The following SOS1 variants were observed in gnomAD, a reference collection of about 807,000 sequenced individuals.
SOS1 encodes son of sevenless homolog 1.
SOS1 carries 25 observed loss-of-function variants against 157.6 expected under a neutral mutation model. That is an observed-to-expected ratio of 0.16 (90% CI 0.12 to 0.22). The LOEUF (loss-of-function observed/expected upper bound fraction) is 0.22, where lower values mean the gene tolerates loss of function less well. Among genes scored for constraint, SOS1 ranks in the 10% least tolerant of loss-of-function variants. The pLI, the probability that SOS1 is intolerant of heterozygous loss-of-function variation, is 1.00. For missense variants in SOS1, 1,237 were observed against 1,599.1 expected, an observed-to-expected ratio of 0.77 and a Z score of 3.86; for synonymous variants, 528 against 534.0, an observed-to-expected ratio of 0.99 and a Z score of 0.16.
At chr2:39,103,060 A>T (rs1673032232) in intron 1 of SOS1, among the ~76,000 whole-genome samples, 1 of 152,220 alleles carries the variant, frequency 6.6e-6, no homozygotes, top group Admixed American at 6.5e-5. Context: ...TTTAACATTG[A>T]AAAGAACAAT....
chr2:39,021,787 C>A (rs1669806170), intron 10 of SOS1, among the ~76,000 whole-genome samples: 1 of 151,520 alleles, frequency 6.6e-6, no homozygotes, highest in South Asian at 2.1e-4. Context: ...ATTTTGCAAT[C>A]ACAAATTTTG....
chr2:39,049,419 T>A (rs189986810), intron 6 of SOS1, among the ~76,000 whole-genome samples: 1 of 152,350 alleles, frequency 6.6e-6, no homozygotes, highest in African/African-American at 2.4e-5. Context: ...AGAAATCTGC[T>A]CATTTCCTTT....
intron 1 of SOS1, among the ~76,000 whole-genome samples, chr2:39,078,081 T>C (rs980961349): frequency 6.6e-6 from 1 of 152,036 alleles, no homozygotes; most frequent in Non-Finnish European, 1.5e-5. Context: ...TAAAAACAAA[T>C]CCTCAGTTTT....
chr2:39,086,565 A>G (rs139247837), intron 1 of SOS1, among the ~76,000 whole-genome samples: 124 of 152,360 alleles, frequency 8.1e-4, no homozygotes, highest in African/African-American at 2.9e-3. Context: ...TCCTATCAAA[A>G]TAAGAAGTGG....
At chr2:39,025,057 T>C (rs1669912352) in intron 8 of SOS1, among the ~76,000 whole-genome samples, 1 of 152,190 alleles carries the variant, frequency 6.6e-6, no homozygotes, top group South Asian at 2.1e-4. Flanking sequence ...TGAGTCACAA[T>C]AATTCACTCA....
chr2:39,061,025 CCT>C (rs1558494465), intron 2 of SOS1, among the ~76,000 whole-genome samples: 1 of 151,522 alleles, frequency 6.6e-6, no homozygotes, highest in East Asian at 1.9e-4. Context: ...AACAGCAACC[CCT>C]GTCCATATCA....
intron 8 of SOS1, among the ~76,000 whole-genome samples, chr2:39,030,243 AG>A (rs1358918500): frequency 2.1e-5 from 1 of 47,908 alleles, no homozygotes; most frequent in Non-Finnish European, 4.1e-5. Flanking sequence ...AAAAGAAAAC[AG>A]AAAAAAAAAA....
At chr2:39,009,438 A>G (rs985406662) in intron 15 of SOS1, among the ~76,000 whole-genome samples, 1 of 152,212 alleles carries the variant, frequency 6.6e-6, no homozygotes, top group African/African-American at 2.4e-5. Context: ...AATCCACACA[A>G]AGACCATCAG....
chr2:39,012,542 T>C (rs1669501527), intron 13 of SOS1, among the ~76,000 whole-genome samples, 194 bp from the exon 14 acceptor site: 3 of 152,182 alleles, frequency 2.0e-5, no homozygotes, highest in Admixed American at 2.0e-4. Flanking sequence ...TCTTCTTCAT[T>C]TGGGTAACCA....
At chr2:39,008,648 C>T (rs1276403723) in intron 15 of SOS1, among the ~76,000 whole-genome samples, 1 of 152,170 alleles carries the variant, frequency 6.6e-6, no homozygotes, top group Non-Finnish European at 1.5e-5. Context: ...TCTCAGAAAC[C>T]ATTCCTTCAA....
intron 8 of SOS1, chr2:39,034,701 T>C: frequency 7.6e-6 from 3 of 395,578 alleles, no homozygotes. Flanking sequence ...AATTTATTGT[T>C]TCTAAAGTAA....
intron 17 of SOS1, 63 bp from the exon 18 acceptor site, chr2:38,997,488 C>T: frequency 8.4e-7 from 1 of 1,186,394 alleles, no homozygotes; most frequent in Non-Finnish European, 1.2e-6. Context: ...TTTTCTGTTT[C>T]ATTAATTGTG....
At chr2:39,052,862 T>C (rs561350326) in intron 5 of SOS1, among the ~76,000 whole-genome samples, 99 of 152,228 alleles carry the variant, frequency 6.5e-4, no homozygotes, top group African/African-American at 2.4e-3. Context: ...TATAAAGAAC[T>C]GCCAAACTGG....
At chr2:39,051,335 T>C (rs1210595770) in intron 5 of SOS1, 48 bp from the exon 6 acceptor site, 1 of 1,546,050 alleles carries the variant, frequency 6.5e-7, no homozygotes, top group Non-Finnish European at 8.9e-7. Flanking sequence ...ATTATTATAA[T>C]ATTAAACAAA....
chr2:39,106,641 T>C (rs551087660), intron 1 of SOS1, among the ~76,000 whole-genome samples: 2 of 146,040 alleles, frequency 1.4e-5, no homozygotes, highest in South Asian at 2.1e-4. Flanking sequence ...TCAGGGTCCA[T>C]AAAACCAAAT....
At chr2:39,111,405 T>G (rs368316078) in intron 1 of SOS1, among the ~76,000 whole-genome samples, 2 of 152,230 alleles carry the variant, frequency 1.3e-5, no homozygotes, top group Non-Finnish European at 2.9e-5. Flanking sequence ...AAAATCTTCA[T>G]GACAAAATGT....
At chr2:39,020,461 T>G (rs1449192065) in intron 10 of SOS1, among the ~76,000 whole-genome samples, 1 of 151,754 alleles carries the variant, frequency 6.6e-6, no homozygotes, top group Non-Finnish European at 1.5e-5. Context: ...TAAAAATGTG[T>G]AAGTTAAATG....
chr2:39,025,915 G>A (rs1572833218), intron 8 of SOS1, among the ~76,000 whole-genome samples: 2 of 152,098 alleles, frequency 1.3e-5, no homozygotes, highest in East Asian at 3.8e-4. Flanking sequence ...AAATATTCTA[G>A]AAGTAATGAA....
chr2:39,028,768 G>C (rs761064087), intron 8 of SOS1, among the ~76,000 whole-genome samples: 41 of 152,144 alleles, frequency 2.7e-4, no homozygotes, highest in Non-Finnish European at 1.5e-4. Flanking sequence ...TAACATTTGG[G>C]ATATAAAAAT....
Sources: gnomAD v4.1 joint callset for allele counts (sites outside exome capture counted in the v4.1 genomes callset) on GRCh38, gnomAD v4.1.1 for gene constraint, MANE v1.5 for transcripts, NCBI Gene and HGNC (gene_info 2026-07-23, HGNC 2026-07-21) for gene names.